Variants in NDST3 observed in about 807,000 individuals in gnomAD.
The protein encoded by NDST3 is bifunctional heparan sulfate N-deacetylase/N-sulfotransferase 3.
NDST3 carries 58 observed loss-of-function variants against 96.1 expected under a neutral mutation model. That is an observed-to-expected ratio of 0.60 (90% CI 0.49 to 0.75). The LOEUF (loss-of-function observed/expected upper bound fraction) is 0.75, where lower values mean the gene tolerates loss of function less well. Ranked by LOEUF, NDST3 falls within the 30% of genes least tolerant of loss-of-function variation. NDST3 has a pLI of 0.00. For synonymous variants in NDST3, 333 were observed against 359.7 expected (o/e 0.93, Z 0.84); for missense variants, 788 against 1,034.2 (o/e 0.76, Z 3.27).
chr4:118,193,515 T>C lies in NDST3; in HGVS notation c.1540-30976T>C, dbSNP rs185569181. The C allele has an allele frequency of 2.3e-3, 2,185 of 966,058 alleles. 6 individuals carry two copies. The highest frequency in any genetic ancestry group is 3.1e-3 in the Non-Finnish European group (1,871 of 610,290). 59.8% of individuals were successfully genotyped at this position (966,058 alleles called of 1,614,324 possible). A position where few individuals can be genotyped will look rare whatever the true frequency, so the allele number is the denominator to read the frequency against. Reference sequence around the variant, plus strand: ...GAGGAAGCCTCTGCCTTGGCCTTGTTCTCTTCCTCAGCCAGCCTCTCAAAC... The same window carrying C: ...GAGGAAGCCTCTGCCTTGGCCTTGTCCTCTTCCTCAGCCAGCCTCTCAAAC... On this transcript the variant is annotated intron_variant, in intron 6 of 13. Transcript: ENST00000296499.
intron 1 of NDST3, among the ~76,000 whole-genome samples, chr4:118,052,694 C>T (rs963845905): frequency 1.3e-5 from 2 of 151,882 alleles, no homozygotes; most frequent in Non-Finnish European, 2.9e-5. Context: ...GAGATATATA[C>T]ACAGTTTGCT....
At chr4:118,137,483 T>C (rs1733206019) in intron 4 of NDST3, among the ~76,000 whole-genome samples, 1 of 152,212 alleles carries the variant, frequency 6.6e-6, no homozygotes, top group Non-Finnish European at 1.5e-5. Flanking sequence ...AATTACTCTG[T>C]TGAATTTTAC....
intron 12 of NDST3, among the ~76,000 whole-genome samples, chr4:118,251,125 AT>A (rs370800744): frequency 8.9e-6 from 1 of 111,742 alleles, no homozygotes; most frequent in Non-Finnish European, 1.9e-5. Flanking sequence ...TATTATTTTT[AT>A]TTTATTTTTT....
chr4:118,073,348 G>A (rs1428801382), intron 2 of NDST3, among the ~76,000 whole-genome samples: 1 of 152,038 alleles, frequency 6.6e-6, no homozygotes, highest in African/African-American at 2.4e-5. Flanking sequence ...AATCCATCTG[G>A]TCCTGGGCTT....
chr4:118,181,308 A>T (rs896122117), intron 6 of NDST3, among the ~76,000 whole-genome samples: 1 of 152,114 alleles, frequency 6.6e-6, no homozygotes, highest in Non-Finnish European at 1.5e-5. Context: ...TCAAGAATGC[A>T]AGGAAACTGG....
At chr4:118,108,052 C>G (rs2125855355) in intron 3 of NDST3, among the ~76,000 whole-genome samples, 1 of 152,248 alleles carries the variant, frequency 6.6e-6, no homozygotes, top group East Asian at 1.9e-4. Context: ...GGCAAGAGGG[C>G]TTCGTAACTT....
chr4:118,067,862 G>A (rs1334499737), intron 2 of NDST3, among the ~76,000 whole-genome samples: 2 of 151,282 alleles, frequency 1.3e-5, no homozygotes, highest in Non-Finnish European at 2.9e-5. Context: ...CACGGCACAT[G>A]TATACCTATA....
intron 4 of NDST3, among the ~76,000 whole-genome samples, chr4:118,126,155 T>C (rs969062723): frequency 5.9e-5 from 9 of 152,022 alleles, no homozygotes; most frequent in African/African-American, 1.7e-4. Context: ...CAAATTCAAA[T>C]AATTATATAA....
At chr4:118,119,579 G>A (rs1370926394) in intron 4 of NDST3, among the ~76,000 whole-genome samples, 1 of 152,148 alleles carries the variant, frequency 6.6e-6, no homozygotes, top group Non-Finnish European at 1.5e-5. Context: ...CCATTGTTCA[G>A]AGCAAAATGA....
At chr4:118,211,850 G>A (rs1200023408) in intron 6 of NDST3, among the ~76,000 whole-genome samples, 5 of 152,184 alleles carry the variant, frequency 3.3e-5, no homozygotes, top group African/African-American at 1.2e-4. Flanking sequence ...TGCAAGTAAA[G>A]TGAACGATGT....
rs1344729472 is a variant in NDST3 at position 118,256,894 on chromosome 4, C to A, written c.*1182C>A. 6.6e-6 allele frequency: 1 copy of A among 151,996 alleles called. No individual in the cohort carries two copies. Among genetic ancestry groups the A allele is most frequent in the Non-Finnish European group, 1.5e-5 (1 of 67,980 alleles). 9.4% of individuals were successfully genotyped at this position (151,996 alleles called of 1,614,324 possible). On this transcript the variant is annotated 3_prime_UTR_variant, in exon 14 of 14. Coordinates refer to ENST00000296499, the MANE Select transcript of NDST3 (RefSeq NM_004784.3). The stretch of plus-strand genomic sequence containing the variant: ...TTGCAATGATACTTTTGATATAAGG[C>A]AAAGAAACATAAGCAGAGCAGAGGC...
Position 118,070,973 on chromosome 4 carries a change from G to T in NDST3, c.981+16082G>T, listed in dbSNP as rs192925356. Among the ~76,000 whole-genome samples the T allele has an allele frequency of 2.6e-5, 4 of 152,018 alleles. No individual in the cohort carries two copies. The East Asian group carries it at 7.7e-4, about 29-fold the overall frequency. On this transcript the variant is annotated intron_variant, in intron 2 of 13. Transcript: ENST00000296499. The stretch of plus-strand genomic sequence containing the variant: ...TCATCCATGTCCCTACAAAGGACAT[G>T]AACTTGTTTTTTGTCCTTGCGATAG...
At chr4:118,146,238 T>C (rs1347862453) in intron 6 of NDST3, among the ~76,000 whole-genome samples, 1 of 152,196 alleles carries the variant, frequency 6.6e-6, no homozygotes, top group African/African-American at 2.4e-5. Context: ...TTATAGTGGA[T>C]TTGAAAGATA....
chr4:118,142,074 T>C (rs1482072688), intron 5 of NDST3, among the ~76,000 whole-genome samples: 1 of 152,134 alleles, frequency 6.6e-6, no homozygotes, highest in African/African-American at 2.4e-5. Context: ...TTTATAATAG[T>C]TGTTAGGAAA....
chr4:118,240,420 T>C (rs1022221085), intron 10 of NDST3, 104 bp from the exon 11 acceptor site: 1 of 921,714 alleles, frequency 1.1e-6, no homozygotes, highest in Admixed American at 3.1e-5. Flanking sequence ...TCTCCAGCAG[T>C]GAGGCACTTC....
At chr4:118,081,849 C>A (rs2389516) in intron 2 of NDST3, among the ~76,000 whole-genome samples, 114,401 of 151,978 alleles carry the variant, frequency 0.75, 45,708 homozygotes, top group South Asian at 0.92. Context: ...AGCCAGTTGG[C>A]TTCCTGAGAA....
chr4:118,087,548 T>C (rs1166990997), intron 2 of NDST3, among the ~76,000 whole-genome samples: 1 of 152,110 alleles, frequency 6.6e-6, no homozygotes, highest in African/African-American at 2.4e-5. Flanking sequence ...CAGTTCCAGA[T>C]TATCCTAGGA....
chr4:118,086,998 T>C (rs183384110), intron 2 of NDST3, among the ~76,000 whole-genome samples: 4 of 152,274 alleles, frequency 2.6e-5, no homozygotes, highest in Non-Finnish European at 1.5e-5. Context: ...ATTGAAAGAT[T>C]TGCCTAGATA....
chr4:118,121,538 C>T (rs567710351), intron 4 of NDST3, among the ~76,000 whole-genome samples: 2 of 152,252 alleles, frequency 1.3e-5, no homozygotes, highest in East Asian at 3.9e-4. Flanking sequence ...AGTAGACATA[C>T]TGGATTACTA....
Sources: gnomAD v4.1 joint callset for allele counts (sites outside exome capture counted in the v4.1 genomes callset) on GRCh38, gnomAD v4.1.1 for gene constraint, MANE v1.5 for transcripts, NCBI Gene and HGNC (gene_info 2026-07-23, HGNC 2026-07-21) for gene names.